LIN28B: variants seen among roughly 807,000 people sequenced by gnomAD.
LIN28B encodes lin-28 RNA binding posttranscriptional regulator B.
LIN28B carries 5 observed loss-of-function variants against 21.9 expected under a neutral mutation model. That is an observed-to-expected ratio of 0.23 (90% CI 0.12 to 0.48). LIN28B has a LOEUF of 0.48. Ranked by LOEUF, LIN28B falls within the 20% of genes least tolerant of loss-of-function variation. The probability of loss-of-function intolerance (pLI) is 0.98; values close to 1 mark genes in which losing one functional copy is unlikely to be tolerated. For missense variants in LIN28B, 245 were observed against 310.5 expected (o/e 0.79, Z 1.58); for synonymous variants, 109 against 111.3 (o/e 0.98, Z 0.13).
chr6:105,006,036 T>C (rs1221184957), intron 2 of LIN28B, among the ~76,000 whole-genome samples: 1 of 152,214 alleles, frequency 6.6e-6, no homozygotes, highest in African/African-American at 2.4e-5. Context: ...TTGTGTCTGT[T>C]TCCTTTATGT....
intron 3 of LIN28B, among the ~76,000 whole-genome samples, chr6:105,060,537 T>C (rs1289892850): frequency 6.6e-6 from 1 of 152,172 alleles, no homozygotes; most frequent in Non-Finnish European, 1.5e-5. Context: ...TAGATGCACC[T>C]GGAGTATCAG....
rs1372357800 is a variant in LIN28B, at chr6:105,023,599, A to ATTT, written c.199-2698_199-2697insTTT. ...ATAATATATATTATATATATTATAT[A>ATTT]TATAAAATATATAATATATATTATA... On this transcript the variant is annotated intron_variant, in intron 2 of 3. Coordinates refer to ENST00000345080, the MANE Select transcript of LIN28B (RefSeq NM_001004317.4). Among the ~76,000 whole-genome samples, 48 of 62,512 alleles carry ATTT rather than the reference A, an allele frequency of 7.7e-4. 7 individuals are homozygous for ATTT. The highest frequency in any genetic ancestry group is 3.0e-3 in the African/African-American group (45 of 14,792). 41.0% of individuals were successfully genotyped at this position (62,512 alleles called of 152,430 possible).
At chr6:104,956,846 T>C (rs1348900509), upstream of LIN28B, among the ~76,000 whole-genome samples, 1 of 152,234 alleles carries the variant, frequency 6.6e-6, no homozygotes, top group Non-Finnish European at 1.5e-5. Flanking sequence ...CCCTCCATTG[T>C]GTTTAAGTAG....
intron 2 of LIN28B, among the ~76,000 whole-genome samples, chr6:104,975,124 A>C (rs1770061213): frequency 6.6e-6 from 1 of 152,070 alleles, no homozygotes; most frequent in Admixed American, 6.6e-5. Flanking sequence ...CCAGCCCTGG[A>C]TATTTTGAAA....
chr6:104,963,651 C>T (rs549160763), intron 2 of LIN28B, among the ~76,000 whole-genome samples: 1 of 152,238 alleles, frequency 6.6e-6, no homozygotes, highest in South Asian at 2.1e-4. Flanking sequence ...TACCCTTGCC[C>T]CTTCAAATGC....
At chr6:105,026,570 G>T (rs891104776) in intron 3 of LIN28B, 88 bp downstream of exon 3, 6 of 854,648 alleles carry the variant, frequency 7.0e-6, no homozygotes, top group Non-Finnish European at 7.3e-6. Flanking sequence ...ATTTCATATT[G>T]TCTAGCCAAA....
intron 2 of LIN28B, among the ~76,000 whole-genome samples, chr6:105,004,256 A>C (rs748621398): frequency 1.0e-3 from 159 of 152,294 alleles, no homozygotes; most frequent in Non-Finnish European, 1.7e-3. Flanking sequence ...TCCTTTGGCA[A>C]CACCCTCACA....
intron 1 of LIN28B, 70 bp downstream of exon 1, chr6:104,957,330 AC>A: frequency 1.2e-6 from 1 of 843,172 alleles, no homozygotes; most frequent in Non-Finnish European, 1.7e-6. Flanking sequence ...CCCCTCTCCC[AC>A]CCTTCTTAGA....
chr6:105,041,163 C>G (rs1341526904), intron 3 of LIN28B, among the ~76,000 whole-genome samples: 1 of 152,136 alleles, frequency 6.6e-6, no homozygotes, highest in African/African-American at 2.4e-5. Context: ...CCTCCCGCCT[C>G]AGCCTCCCAG....
intron 2 of LIN28B, among the ~76,000 whole-genome samples, chr6:104,963,760 T>C (rs1311661896): frequency 6.6e-6 from 1 of 152,142 alleles, no homozygotes; most frequent in Admixed American, 6.5e-5. Flanking sequence ...GAGTCCATAG[T>C]TTATATTAGT....
chr6:104,994,027 C>T (rs548162904), intron 2 of LIN28B, among the ~76,000 whole-genome samples: 13 of 151,942 alleles, frequency 8.6e-5, no homozygotes, highest in Non-Finnish European at 1.3e-4. Context: ...ATTTTTGAGA[C>T]GGAGTCTCCT....
chr6:105,059,086 T>C (rs1399662887), intron 3 of LIN28B, among the ~76,000 whole-genome samples: 1 of 152,230 alleles, frequency 6.6e-6, no homozygotes, highest in Admixed American at 6.5e-5. Context: ...TTTTATGTTC[T>C]ATCTGTGGCC....
chr6:104,996,606 G>A (rs1770610845), intron 2 of LIN28B, among the ~76,000 whole-genome samples: 1 of 152,158 alleles, frequency 6.6e-6, no homozygotes, highest in African/African-American at 2.4e-5. Flanking sequence ...ATACACTAAG[G>A]ACAGTAATTA....
chr6:105,057,184 C>T (rs558624860), intron 3 of LIN28B, among the ~76,000 whole-genome samples: 5 of 152,278 alleles, frequency 3.3e-5, no homozygotes, highest in Admixed American at 3.3e-4. Context: ...GGTACCATTT[C>T]CAGAGATAAT....
intron 2 of LIN28B, among the ~76,000 whole-genome samples, chr6:104,965,557 T>G (rs1159487457): frequency 2.0e-4 from 31 of 152,212 alleles, no homozygotes; most frequent in Admixed American, 2.0e-3. Context: ...GGTCTCACTC[T>G]GTTGCCTAGG....
At chr6:105,010,105 T>G (rs1770891140) in intron 2 of LIN28B, among the ~76,000 whole-genome samples, 1 of 151,858 alleles carries the variant, frequency 6.6e-6, no homozygotes, top group Admixed American at 6.6e-5. Context: ...GAATACTTCA[T>G]AGCAGTAAGA....
intron 3 of LIN28B, chr6:105,058,058 C>T: frequency 2.6e-6 from 1 of 386,848 alleles, no homozygotes; most frequent in Non-Finnish European, 5.0e-6. Context: ...ATTTCTTGAA[C>T]TTTTGTCTAC....
chr6:105,073,120 C>A (rs1772363721), intron 3 of LIN28B, among the ~76,000 whole-genome samples: 1 of 152,076 alleles, frequency 6.6e-6, no homozygotes, highest in African/African-American at 2.4e-5. Context: ...ACCCACCTCC[C>A]CACCACCAGC....
At chr6:104,946,134 TC>T (rs1454956310) in intron 2 of LIN28B, among the ~76,000 whole-genome samples, 2 of 151,982 alleles carry the variant, frequency 1.3e-5, no homozygotes, top group African/African-American at 4.8e-5. Flanking sequence ...TGAGATTTTT[TC>T]CTAATATAAA....
Sources: gnomAD v4.1 joint callset for allele counts (sites outside exome capture counted in the v4.1 genomes callset) on GRCh38, gnomAD v4.1.1 for gene constraint, MANE v1.5 for transcripts, NCBI Gene and HGNC (gene_info 2026-07-23, HGNC 2026-07-21) for gene names.